The following ZCCHC14 variants were observed in gnomAD, a reference collection of about 807,000 sequenced individuals.
The protein encoded by ZCCHC14 is zinc finger CCHC-type containing 14.
Under a neutral mutation model 85.0 loss-of-function variants are expected in ZCCHC14, and 16 were observed. The ratio of observed to expected loss-of-function variants is 0.19; its 90% CI spans 0.13 to 0.29. The LOEUF is 0.29. Ranked by LOEUF, ZCCHC14 falls within the 10% of genes least tolerant of loss-of-function variation. ZCCHC14 has a pLI of 1.00. For missense variants in ZCCHC14, 1,303 were observed against 1,443.5 expected, an observed-to-expected ratio of 0.90 and a Z score of 1.58; for synonymous variants, 775 against 630.7, an observed-to-expected ratio of 1.23 and a Z score of -3.43.
chr16:87,433,902 C>G (rs1909785615), intron 2 of ZCCHC14, among the ~76,000 whole-genome samples: 1 of 152,168 alleles, frequency 6.6e-6, no homozygotes, highest in African/African-American at 2.4e-5. Flanking sequence ...CCTCAGCCTC[C>G]CAACGTGCTG....
At chr16:87,410,386 A>C (rs1189672082) in intron 12 of ZCCHC14, 51 bp from the exon 13 acceptor site, 1 of 749,630 alleles carries the variant, frequency 1.3e-6, no homozygotes, top group African/African-American at 1.7e-5. Context: ...TAGAATCACC[A>C]CCAACCACCA....
At chr16:87,440,116 C>T (rs1301981910) in intron 2 of ZCCHC14, among the ~76,000 whole-genome samples, 2 of 152,128 alleles carry the variant, frequency 1.3e-5, no homozygotes, top group African/African-American at 4.8e-5. Context: ...CTAACATGCA[C>T]TTTGAATTCA....
chr16:87,437,851 A>T (rs1002132019), intron 2 of ZCCHC14, among the ~76,000 whole-genome samples: 8 of 152,234 alleles, frequency 5.3e-5, no homozygotes, highest in African/African-American at 1.9e-4. Context: ...TAGCAACTGA[A>T]AAAGGGAGGG....
rs545415631 is a variant in ZCCHC14, at chr16:87,413,651, G to GAGCAAGC, written c.1604-463_1604-457dup. Among the ~76,000 whole-genome samples the GAGCAAGC allele has an allele frequency of 4.1e-4, 62 of 152,214 alleles. No individual in the cohort carries two copies. In the South Asian group the frequency reaches 0.011, roughly 27 times the overall value. On this transcript the variant is annotated intron_variant, in intron 10 of 12. Transcript: ENST00000671377. The stretch of plus-strand genomic sequence containing the variant: ...ACCCGGCTCCTCTTGTGAGACAACG[G>GAGCAAGC]AGCAAGCGCGCCAGGTGTCCCGCCC...
intron 3 of ZCCHC14, among the ~76,000 whole-genome samples, chr16:87,424,232 T>A (rs1909251194): frequency 6.6e-6 from 1 of 152,214 alleles, no homozygotes; most frequent in Non-Finnish European, 1.5e-5. Flanking sequence ...AGTGAGCCTA[T>A]GTGCCTCAGA....
Position 87,412,961 on chromosome 16 carries a change from A to C in ZCCHC14, c.1760T>G (p.Leu587Trp). The C allele has an allele frequency of 1.2e-6, 2 of 1,610,784 alleles. No homozygotes were observed. The highest frequency in any genetic ancestry group is 1.1e-5 in the South Asian group (1 of 90,616). The change falls in exon 12 of 13, where the codon TTG (leucine) becomes TGG (tryptophan). Residue 587 changes from leucine to tryptophan, a missense_variant. Leu to Trp is a moderately conservative substitution (Grantham distance 61). Around this residue, in one of 7 missense-constraint regions of ZCCHC14, gnomAD observed 797 missense variants for 730.8 expected, o/e 1.09. Coordinates refer to ENST00000671377, the MANE Select transcript of ZCCHC14 (RefSeq NM_015144.3). Reference sequence around the variant, plus strand: ...CGGCTTCTCCTTGTCAGAGCTCTCCAAGTGAATCTCCACACCTAGAGAGGG... The same window carrying C: ...CGGCTTCTCCTTGTCAGAGCTCTCCCAGTGAATCTCCACACCTAGAGAGGG... ...EENDRRVEIH[L>W]ESSDKEKPVM... is the part of the protein sequence containing the mutation.
chr16:87,427,610 A>G (rs1159331092), intron 3 of ZCCHC14, among the ~76,000 whole-genome samples: 1 of 152,104 alleles, frequency 6.6e-6, no homozygotes, highest in African/African-American at 2.4e-5. Context: ...GGATGGTTTA[A>G]TAAGAGTTGT....
Position 87,417,444 on chromosome 16 carries a change from C to T in ZCCHC14, c.1383+16G>A. ...AATCTAGCAATTCTGTACGGCCAGC[C>T]AGAAAACCGACATACCTTCTCCATG... On this transcript the variant is annotated intron_variant, in intron 8 of 12. Transcript: ENST00000671377. 5 of 1,610,540 alleles carry T rather than the reference C, an allele frequency of 3.1e-6. No homozygotes were observed. The highest frequency in any genetic ancestry group is 4.2e-6 in the Non-Finnish European group (5 of 1,177,202).
chr16:87,479,773 G>A (rs1215587654), intron 1 of ZCCHC14, among the ~76,000 whole-genome samples: 3 of 152,152 alleles, frequency 2.0e-5, no homozygotes, highest in Non-Finnish European at 2.9e-5. Context: ...GGCTCCACAG[G>A]AGACAAGGCC....
At chr16:87,482,007 C>T (rs563492156) in intron 1 of ZCCHC14, among the ~76,000 whole-genome samples, 2 of 152,284 alleles carry the variant, frequency 1.3e-5, no homozygotes, top group Admixed American at 6.5e-5. Flanking sequence ...GAGCCCCACA[C>T]CGGCCTTCAC....
chr16:87,472,357 C>G (rs2150769349), intron 1 of ZCCHC14: 1 of 152,420 alleles, frequency 6.6e-6, no homozygotes, highest in Non-Finnish European at 1.5e-5. Flanking sequence ...GCATGGCTCT[C>G]AGGATGGAGC....
chr16:87,485,261 T>C (rs529770053), intron 1 of ZCCHC14, among the ~76,000 whole-genome samples: 2 of 152,368 alleles, frequency 1.3e-5, no homozygotes, highest in South Asian at 4.1e-4. Flanking sequence ...CTGTCTTGCT[T>C]CTGTCTTCTC....
chr16:87,441,549 T>C (rs1173321012), intron 2 of ZCCHC14, among the ~76,000 whole-genome samples: 1 of 152,208 alleles, frequency 6.6e-6, no homozygotes, highest in African/African-American at 2.4e-5. Flanking sequence ...ATAAACATAC[T>C]GGTGTTACTC....
intron 2 of ZCCHC14, among the ~76,000 whole-genome samples, chr16:87,457,868 C>G (rs1484875397): frequency 6.6e-6 from 1 of 152,098 alleles, no homozygotes; most frequent in African/African-American, 2.4e-5. Context: ...AAACCGCGAC[C>G]CTCTATGACT....
chr16:87,459,250 C>T (rs936038339), intron 2 of ZCCHC14, among the ~76,000 whole-genome samples: 1 of 152,174 alleles, frequency 6.6e-6, no homozygotes, highest in South Asian at 2.1e-4. Context: ...GAAAACACTC[C>T]GTCACCACAG....
chr16:87,455,905 C>T (rs117469085), intron 2 of ZCCHC14, among the ~76,000 whole-genome samples: 2,467 of 152,312 alleles, frequency 0.016, 24 homozygotes, highest in Middle Eastern at 0.048. Context: ...CTAATGCAAG[C>T]GTTCTGAGCA....
rs113500565 is a variant in ZCCHC14 at position 87,416,782 on chromosome 16, A to T, written c.1383+678T>A. On this transcript the variant is annotated intron_variant, in intron 8 of 12. Coordinates refer to ENST00000671377, the MANE Select transcript of ZCCHC14 (RefSeq NM_015144.3). ...CAAAAAAAGAAAAAAACATTCACAA[A>T]TCCTAAACAAAGGGTATTACAAATA... Among the ~76,000 whole-genome samples the T allele has an allele frequency of 4.5e-3, 683 of 152,254 alleles. 6 individuals carry two copies. The highest frequency in any genetic ancestry group is 0.015 in the African/African-American group (628 of 41,522).
intron 3 of ZCCHC14, among the ~76,000 whole-genome samples, chr16:87,427,291 C>A (rs561883636): frequency 6.6e-6 from 1 of 152,384 alleles, no homozygotes; most frequent in East Asian, 1.9e-4. Flanking sequence ...GGGCCCTCTG[C>A]TGTGCAGGTG....
intron 2 of ZCCHC14, among the ~76,000 whole-genome samples, chr16:87,457,848 C>T (rs1038452912): frequency 2.0e-5 from 3 of 152,156 alleles, no homozygotes; most frequent in Non-Finnish European, 4.4e-5. Flanking sequence ...TGCCAATTTC[C>T]GGACAACAGA....
Sources: gnomAD v4.1 joint callset for allele counts (sites outside exome capture counted in the v4.1 genomes callset) on GRCh38, gnomAD v4.1.1 for gene constraint, gnomAD v4.1.1 regional missense constraint, MANE v1.5 for transcripts, NCBI Gene and HGNC (gene_info 2026-07-23, HGNC 2026-07-21) for gene names.